The following DOP1B variants were observed in gnomAD, a reference collection of about 807,000 sequenced individuals.
The protein encoded by DOP1B is DOP1 leucine zipper like protein B.
In DOP1B, 174 loss-of-function variants were observed where a neutral mutation model predicts 233.5. That is an observed-to-expected ratio of 0.75 (90% CI 0.66 to 0.85). The LOEUF (loss-of-function observed/expected upper bound fraction) is 0.85. Ranked by LOEUF, DOP1B falls within the 40% of genes least tolerant of loss-of-function variation. The pLI is 0.00. For missense variants in DOP1B, 2,652 were observed against 2,846.6 expected, an observed-to-expected ratio of 0.93 and a Z score of 1.56; for synonymous variants, 1,190 against 1,185.6, an observed-to-expected ratio of 1.00 and a Z score of -0.08.
intron 15 of DOP1B, 38 bp from the exon 16 acceptor site, chr21:36,237,224 G>T: frequency 6.2e-7 from 1 of 1,613,748 alleles, no homozygotes; most frequent in South Asian, 1.1e-5. Context: ...TGCCTGTGTT[G>T]ACCTGGTCCC....
chr21:36,200,523 G>T, intron 4 of DOP1B, 22 bp downstream of exon 4: 1 of 1,587,608 alleles, frequency 6.3e-7, no homozygotes, highest in Non-Finnish European at 8.6e-7. Context: ...TCTTGTCCAG[G>T]CTGTGTTTAC....
chr21:36,280,231 A>G, intron 30 of DOP1B, 54 bp from the exon 31 acceptor site: 1 of 1,294,698 alleles, frequency 7.7e-7, no homozygotes, highest in Non-Finnish European at 1.1e-6. Context: ...AATGTTTTGA[A>G]TCAAACTATC....
At chr21:36,168,978 C>T (rs1231833534) in intron 2 of DOP1B, 3 of 734,092 alleles carry the variant, frequency 4.1e-6, no homozygotes, top group East Asian at 2.6e-5. Flanking sequence ...CGTTAAGCTC[C>T]TTCTTCCTTT....
At position 36,277,902 on chromosome 21, in the gene DOP1B, G is replaced by A. The variant is rs536799811; in HGVS notation, c.5713-73G>A. 64 of 1,241,116 alleles carry A rather than the reference G, an allele frequency of 5.2e-5. No homozygotes were observed. The Admixed American group carries it at 9.3e-4, about 18-fold the overall frequency. 76.9% of individuals were successfully genotyped at this position (1,241,116 alleles called of 1,614,324 possible). A position where few individuals can be genotyped will look rare whatever the true frequency, so the allele number is the denominator to read the frequency against. On this transcript the variant is annotated intron_variant, in intron 28 of 36. Transcript: ENST00000691173. ...AGTGATCCGCCCTCCTCAGCCTCCC[G>A]AAGTGCTGGGATTACAGGTGTGAGC...
chr21:36,269,966 CTT>C, intron 26 of DOP1B, 45 bp from the exon 27 acceptor site: 1 of 1,603,098 alleles, frequency 6.2e-7, no homozygotes, highest in Non-Finnish European at 8.5e-7. Flanking sequence ...ACTTAACATT[CTT>C]TTCCTTAATT....
chr21:36,164,318 G>A (rs2065890297), intron 1 of DOP1B, among the ~76,000 whole-genome samples: 2 of 152,148 alleles, frequency 1.3e-5, no homozygotes, highest in South Asian at 4.1e-4. Flanking sequence ...GTAAGACCCT[G>A]CCTCCAAAAA....
chr21:36,253,405 AT>A (rs1033863707), intron 22 of DOP1B, among the ~76,000 whole-genome samples: 2 of 152,188 alleles, frequency 1.3e-5, no homozygotes, highest in African/African-American at 4.8e-5. Flanking sequence ...TCAATAGGAA[AT>A]GTTTGTTTAA....
intron 2 of DOP1B, among the ~76,000 whole-genome samples, chr21:36,171,365 T>C (rs2065970496): frequency 6.6e-6 from 1 of 152,214 alleles, no homozygotes; most frequent in Non-Finnish European, 1.5e-5. Flanking sequence ...GAGTGGTTAT[T>C]ATGGATTGAA....
intron 17 of DOP1B, among the ~76,000 whole-genome samples, chr21:36,239,399 G>C (rs766817592): frequency 8.5e-5 from 13 of 152,176 alleles, no homozygotes; most frequent in Non-Finnish European, 1.6e-4. Flanking sequence ...AGGTGAACTT[G>C]ATTGCAGCCC....
rs1465751081 is a variant in DOP1B, at chr21:36,200,498, A to C, written c.488A>C (p.Asp163Ala). 2 of 1,605,670 alleles carry C rather than the reference A, an allele frequency of 1.2e-6. No homozygotes were observed. Among genetic ancestry groups the C allele is most frequent in the Non-Finnish European group, 1.7e-6 (2 of 1,177,284 alleles). ...CTTGAAGAGGGCTCCGAGATCTCCG[A>C]CAGGTGCGTGGGCGTCTTGTCCAGG... is the stretch of plus-strand genomic sequence containing the variant. Reference protein sequence around the residue: ...PGLEEGSEISDRTDALLLRLS... With the variant: ...PGLEEGSEISARTDALLLRLS... Residue 163 changes from aspartate to alanine, a missense_variant, in exon 4 of 37, where the codon GAC (aspartate) becomes GCC (alanine). Around this residue, in one of 3 missense-constraint regions of DOP1B, gnomAD observed 2,617 missense variants for 2,794.3 expected, o/e 0.94. Transcript: ENST00000691173.
chr21:36,274,102 C>T (rs968048301), intron 27 of DOP1B, among the ~76,000 whole-genome samples: 16 of 152,102 alleles, frequency 1.1e-4, no homozygotes, highest in African/African-American at 3.4e-4. Context: ...CACTAAGGAG[C>T]TTGGATTTCA....
intron 18 of DOP1B, 96 bp downstream of exon 18, chr21:36,240,051 G>A: frequency 7.3e-7 from 1 of 1,362,244 alleles, no homozygotes; most frequent in South Asian, 1.5e-5. Flanking sequence ...CCACTAGGGG[G>A]TTTTGTTAGA....
At position 36,230,655 on chromosome 21, in the gene DOP1B, A is replaced by C; in HGVS notation, c.1871A>C (p.Gln624Pro). The C allele has an allele frequency of 6.2e-7, 1 of 1,614,200 alleles. No individual in the cohort carries two copies. The highest frequency in any genetic ancestry group is 1.1e-5 in the South Asian group (1 of 91,086). ...DDVWKKGGSMQRTFLCIQELI... is the reference protein window; with the variant it reads ...DDVWKKGGSMPRTFLCIQELI... ...GTTTGGAAGAAGGGCGGGAGCATGCAGAGGACGTTTCTTTGCATCCAAGAG... is the reference window on the plus strand; with the variant it reads ...GTTTGGAAGAAGGGCGGGAGCATGCCGAGGACGTTTCTTTGCATCCAAGAG... Residue 624 changes from glutamine (Q) to proline (P), a missense_variant, in exon 14 of 37, where the codon CAG becomes CCG. Physicochemically the swap from Gln to Pro is moderately conservative, Grantham distance 76. Transcript: ENST00000691173.
chr21:36,208,567 T>G (rs1601412542), intron 4 of DOP1B, 148 bp from the exon 5 acceptor site: 3 of 772,454 alleles, frequency 3.9e-6, no homozygotes, highest in Middle Eastern at 3.1e-4. Flanking sequence ...GGGTGAGAGA[T>G]GGCAGCGGCT....
intron 36 of DOP1B, among the ~76,000 whole-genome samples, chr21:36,293,095 A>G (rs2067577442): frequency 1.3e-5 from 2 of 151,782 alleles, no homozygotes; most frequent in African/African-American, 4.8e-5. Flanking sequence ...AATCCCAGCT[A>G]CTCAGGAAGC....
intron 2 of DOP1B, among the ~76,000 whole-genome samples, chr21:36,180,138 T>TAA (rs11422537): frequency 8.6e-4 from 130 of 151,348 alleles, no homozygotes; most frequent in African/African-American, 2.7e-3. Context: ...TTTATAAAGT[T>TAA]AAAAAAAAAC....
intron 2 of DOP1B, among the ~76,000 whole-genome samples, chr21:36,179,331 C>T (rs1005767786): frequency 6.6e-6 from 1 of 152,218 alleles, no homozygotes; most frequent in Non-Finnish European, 1.5e-5. Flanking sequence ...ATGAAAGCTC[C>T]AGTTCTCCCC....
At chr21:36,259,410 A>G (rs1425861052) in intron 23 of DOP1B, among the ~76,000 whole-genome samples, 1 of 151,864 alleles carries the variant, frequency 6.6e-6, no homozygotes. Flanking sequence ...AGCTGGGATT[A>G]CAGGCTTGCG....
Position 36,247,526 on chromosome 21 carries a change from C to G in DOP1B, c.4707C>G (p.Ser1569=), listed in dbSNP as rs533030411. ...ESVKLSVSTT[S]KRENISPDYP... ...CTTTTCTTCACCACAGCACAACCTC[C>G]AAGAGGGAAAACATTTCTCCAGATT... is the stretch of plus-strand genomic sequence containing the variant. The change falls in exon 20 of 37, where the codon TCC becomes TCG. Residue 1569 remains serine, a synonymous_variant. Coordinates refer to ENST00000691173, the MANE Select transcript of DOP1B (RefSeq NM_001320714.2). 6.2e-7 allele frequency: 1 copy of G among 1,603,734 alleles called. No individual in the cohort carries two copies. Among genetic ancestry groups the G allele is most frequent in the South Asian group, 1.1e-5 (1 of 88,068 alleles).
Sources: allele counts gnomAD v4.1 joint callset (sites outside exome capture counted in the v4.1 genomes callset), GRCh38; gene constraint gnomAD v4.1.1; regional missense constraint gnomAD v4.1.1; transcripts MANE v1.5; gene names NCBI Gene and HGNC (gene_info 2026-07-23, HGNC 2026-07-21).